Variants in HCN1 observed in about 807,000 individuals in gnomAD.
HCN1 encodes potassium/sodium hyperpolarization-activated cyclic nucleotide-gated channel 1.
In HCN1, 13 loss-of-function variants were observed where a neutral mutation model predicts 78.9. The ratio of observed to expected loss-of-function variants is 0.16; its 90% CI spans 0.11 to 0.26. The LOEUF (loss-of-function observed/expected upper bound fraction) is 0.26. Ranked by LOEUF, HCN1 falls within the 10% of genes least tolerant of loss-of-function variation. The pLI is 1.00. For missense variants in HCN1, 810 were observed against 1,154.3 expected (o/e 0.70, Z 4.32); for synonymous variants, 552 against 455.5 (o/e 1.21, Z -2.70).
chr5:45,464,181 G>A (rs1741222133), intron 2 of HCN1, among the ~76,000 whole-genome samples: 2 of 152,008 alleles, frequency 1.3e-5, no homozygotes, highest in Admixed American at 6.6e-5. Flanking sequence ...ATTCCTTTAA[G>A]AAAACCCTAT....
intron 4 of HCN1, among the ~76,000 whole-genome samples, chr5:45,357,689 C>T (rs1747028410): frequency 6.6e-6 from 1 of 151,944 alleles, no homozygotes; most frequent in Non-Finnish European, 1.5e-5. Context: ...TGACCTTTCC[C>T]TATGTGTGTA....
At chr5:45,558,162 G>A (rs1384792706) in intron 2 of HCN1, 1 of 151,342 alleles carries the variant, frequency 6.6e-6, no homozygotes, top group East Asian at 1.9e-4. Context: ...GAGAGAGAGA[G>A]AGAAACAGTC....
chr5:45,684,918 C>T (rs1204860062), intron 1 of HCN1, among the ~76,000 whole-genome samples: 1 of 152,078 alleles, frequency 6.6e-6, no homozygotes, highest in Admixed American at 6.6e-5. Context: ...TTTTTTCAGT[C>T]TCTGCTCATG....
At chr5:45,367,590 T>A (rs1439126871) in intron 4 of HCN1, among the ~76,000 whole-genome samples, 2 of 151,870 alleles carry the variant, frequency 1.3e-5, no homozygotes, top group African/African-American at 4.8e-5. Flanking sequence ...AGAAAATTGA[T>A]CCAAACTTTC....
chr5:45,271,672 G>A (rs946082414), intron 6 of HCN1, among the ~76,000 whole-genome samples: 1 of 152,034 alleles, frequency 6.6e-6, no homozygotes, highest in Non-Finnish European at 1.5e-5. Context: ...GTGCCTACAT[G>A]ACAGATAGTA....
At chr5:45,435,885 C>A (rs1406100728) in intron 3 of HCN1, among the ~76,000 whole-genome samples, 1 of 151,994 alleles carries the variant, frequency 6.6e-6, no homozygotes, top group Non-Finnish European at 1.5e-5. Flanking sequence ...GGGGGAAAAT[C>A]CTACAACAAA....
intron 1 of HCN1, among the ~76,000 whole-genome samples, chr5:45,675,611 C>T (rs1431442826): frequency 6.6e-6 from 1 of 151,720 alleles, no homozygotes; most frequent in African/African-American, 2.4e-5. Flanking sequence ...ACCTTTTGAC[C>T]ATTCCCTGGA....
At chr5:45,434,549 T>C (rs550688488) in intron 3 of HCN1, among the ~76,000 whole-genome samples, 1 of 152,316 alleles carries the variant, frequency 6.6e-6, no homozygotes, top group South Asian at 2.1e-4. Context: ...TGACATTTTT[T>C]AGAATAAATT....
intron 6 of HCN1, among the ~76,000 whole-genome samples, chr5:45,277,189 T>C (rs1317229906): frequency 6.6e-6 from 1 of 152,110 alleles, no homozygotes; most frequent in Non-Finnish European, 1.5e-5. Context: ...GAAAGATAGT[T>C]AGCCTCTCTT....
At chr5:45,506,631 G>A (rs1027002793) in intron 2 of HCN1, among the ~76,000 whole-genome samples, 1 of 152,062 alleles carries the variant, frequency 6.6e-6, no homozygotes, top group Non-Finnish European at 1.5e-5. Flanking sequence ...CCACTCGGAT[G>A]TATTTCTTAA....
rs919343883 is a variant in HCN1, at chr5:45,509,420, G to A, written c.850-47413C>T. Among the ~76,000 whole-genome samples, 23 of 152,124 alleles carry A rather than the reference G, an allele frequency of 1.5e-4. 1 individual carries two copies. Among genetic ancestry groups the A allele is most frequent in the Admixed American group, 2.0e-4 (3 of 15,246 alleles). On this transcript the variant is annotated intron_variant, in intron 2 of 7. Transcript: ENST00000303230. ...AAAATAAAGGGAAAAAAAAGCATTTGAATAGTGCAGAAGACTTCAGTCACC... is the reference window on the plus strand; with the variant it reads ...AAAATAAAGGGAAAAAAAAGCATTTAAATAGTGCAGAAGACTTCAGTCACC...
At chr5:45,693,265 A>T in intron 1 of HCN1, among the ~76,000 whole-genome samples, 1 of 152,352 alleles carries the variant, frequency 6.6e-6, no homozygotes, top group South Asian at 2.1e-4. Context: ...CAAAAAAATG[A>T]AACAATAAGA....
chr5:45,689,640 T>C (rs1306152089), intron 1 of HCN1, among the ~76,000 whole-genome samples: 1 of 151,980 alleles, frequency 6.6e-6, no homozygotes, highest in East Asian at 1.9e-4. Context: ...GAGCTAAAAA[T>C]TTACCCAAGT....
chr5:45,316,639 T>G (rs534555491), intron 5 of HCN1, among the ~76,000 whole-genome samples: 1 of 152,170 alleles, frequency 6.6e-6, no homozygotes, highest in Non-Finnish European at 1.5e-5. Context: ...TGTTGGTAGA[T>G]GACATGACTG....
At chr5:45,338,212 T>C (rs1425955316) in intron 5 of HCN1, among the ~76,000 whole-genome samples, 5 of 152,158 alleles carry the variant, frequency 3.3e-5, no homozygotes, top group African/African-American at 9.6e-5. Flanking sequence ...TTCTCTACTT[T>C]TAGGCAAAAG....
chr5:45,414,145 A>G (rs140583036), intron 3 of HCN1, among the ~76,000 whole-genome samples: 1 of 152,154 alleles, frequency 6.6e-6, no homozygotes, highest in African/African-American at 2.4e-5. Context: ...TGAAGGCATC[A>G]CAGGGACTCT....
intron 2 of HCN1, among the ~76,000 whole-genome samples, chr5:45,543,568 G>T (rs1026405269): frequency 6.6e-6 from 1 of 151,952 alleles, no homozygotes; most frequent in African/African-American, 2.4e-5. Flanking sequence ...GAATAAATTT[G>T]CTGTTTTTGC....
chr5:45,435,652 G>C (rs1347140606), intron 3 of HCN1, among the ~76,000 whole-genome samples: 2 of 151,904 alleles, frequency 1.3e-5, no homozygotes, highest in Non-Finnish European at 2.9e-5. Flanking sequence ...TATGAGATGG[G>C]GTGTGGGTTT....
At chr5:45,300,899 T>C (rs1279578442) in intron 6 of HCN1, among the ~76,000 whole-genome samples, 1 of 152,074 alleles carries the variant, frequency 6.6e-6, no homozygotes, top group East Asian at 1.9e-4. Flanking sequence ...AAGGGGCCAA[T>C]GAGACAACAC....
Sources: gnomAD v4.1 joint callset for allele counts (sites outside exome capture counted in the v4.1 genomes callset) on GRCh38, gnomAD v4.1.1 for gene constraint, MANE v1.5 for transcripts, NCBI Gene and HGNC (gene_info 2026-07-23, HGNC 2026-07-21) for gene names.